Variants in MYH2 observed in about 807,000 individuals in gnomAD.
MYH2 encodes myosin heavy chain 2.
Under a neutral mutation model 228.1 loss-of-function variants are expected in MYH2, and 139 were observed. That is an observed-to-expected ratio of 0.61 (90% CI 0.53 to 0.70). The LOEUF is 0.70. Ranked by LOEUF, MYH2 falls within the 30% of genes least tolerant of loss-of-function variation. MYH2 has a pLI of 0.00. For synonymous variants in MYH2, 796 were observed against 871.1 expected, an observed-to-expected ratio of 0.91 and a Z score of 1.52; for missense variants, 1,809 against 2,357.5, an observed-to-expected ratio of 0.77 and a Z score of 4.82.
rs2073321691 is a variant in MYH2, at chr17:10,524,386, G to C, written c.5175+80C>G. 9.0e-6 allele frequency: 14 copies of C among 1,557,120 alleles called. No homozygotes were observed. The highest frequency in any genetic ancestry group is 1.1e-5 in the South Asian group (1 of 89,872). On this transcript the variant is annotated intron_variant, in intron 35 of 39. Coordinates refer to ENST00000245503, the MANE Select transcript of MYH2 (RefSeq NM_017534.6). The surrounding 1 kb of genome is among the most constrained non-coding windows in gnomAD (Gnocchi z 4.7). ...AAATTTGATAGACATATTAGGTCTAGCTGTCTTATGAAAACTCAGGCTTAT... is the reference window on the plus strand; with the variant it reads ...AAATTTGATAGACATATTAGGTCTACCTGTCTTATGAAAACTCAGGCTTAT...
Position 10,529,660 on chromosome 17 carries a change from C to A in MYH2, c.3021G>T (p.Glu1007Asp). The A allele has an allele frequency of 1.2e-6, 2 of 1,613,984 alleles. No homozygotes were observed. Among genetic ancestry groups the A allele is most frequent in the Non-Finnish European group, 8.5e-7 (1 of 1,180,014 alleles). Residue 1007 changes from glutamate to aspartate, a missense_variant, in exon 24 of 40, where the codon GAG (glutamate) becomes GAT (aspartate). Around this residue, in one of 9 missense-constraint regions of MYH2, gnomAD observed 636 missense variants for 729.9 expected, o/e 0.87. Transcript: ENST00000245503. The stretch of plus-strand genomic sequence containing the variant: ...GGTCATCCAGGGTCTGCTGGTGGGC[C>A]TCCTGGAGAGCCTTCTTCTCCTTGG... The part of the protein sequence containing the change: ...KLTKEKKALQ[E>D]AHQQTLDDLQ...
chr17:10,521,490 G>T, intron 39 of MYH2, 58 bp from the exon 40 acceptor site: 2 of 1,574,232 alleles, frequency 1.3e-6, no homozygotes, highest in Non-Finnish European at 8.7e-7. Flanking sequence ...AGACTCTTTA[G>T]ACCTAATAGA....
chr17:10,531,178 A>G (rs2073420266), intron 22 of MYH2, among the ~76,000 whole-genome samples: 1 of 152,218 alleles, frequency 6.6e-6, no homozygotes, highest in South Asian at 2.1e-4. Context: ...ATATCACACG[A>G]TAATTCAGTA....
At position 10,527,835 on chromosome 17, in the gene MYH2, G is replaced by T; in HGVS notation, c.3784C>A (p.Leu1262Met). 9 of 1,613,950 alleles carry T rather than the reference G, an allele frequency of 5.6e-6. No individual in the cohort carries two copies. The highest frequency in any genetic ancestry group is 6.8e-6 in the Non-Finnish European group (8 of 1,180,016). ...TCTTCCTTTGATTTCAGTTCACTCA[G>T]TTGGTCCTCTAGAGTCCGGCACATT... ...EKMCRTLEDQ[L>M]SELKSKEEEQ... Residue 1262 changes from leucine (L) to methionine (M), a missense_variant, in exon 28 of 40, where the codon CTG becomes ATG. Around this residue, in one of 9 missense-constraint regions of MYH2, gnomAD observed 636 missense variants for 729.9 expected, o/e 0.87. Coordinates refer to ENST00000245503, the MANE Select transcript of MYH2 (RefSeq NM_017534.6).
rs779899332 is a variant in MYH2 at position 10,533,326 on chromosome 17, C to T, written c.2400G>A (p.Gly800=). ...TCTGGTACTCCACTCTTGCCAAGAA[C>T]CCTCTGCACCTGGCCTGGGTTCGGG... The part of the protein sequence containing the change: ...LITRTQARCR[G]FLARVEYQRM... The change falls in exon 21 of 40, where the codon GGG becomes GGA. Residue 800 remains glycine (G), a synonymous_variant. Coordinates refer to ENST00000245503, the MANE Select transcript of MYH2 (RefSeq NM_017534.6). 1 of 1,614,226 alleles carries T rather than the reference C, an allele frequency of 6.2e-7. No homozygotes were observed. The highest frequency in any genetic ancestry group is 8.5e-7 in the Non-Finnish European group (1 of 1,180,030).
At chr17:10,539,633 A>G in intron 12 of MYH2, 71 bp from the exon 13 acceptor site, 1 of 1,438,126 alleles carries the variant, frequency 7.0e-7, no homozygotes, top group East Asian at 2.3e-5. Context: ...AATATTTTTT[A>G]AACTACAAGT....
chr17:10,536,552 T>C lies in MYH2; in HGVS notation c.1952A>G (p.Gln651Arg). ...TACTCTGAAAAGGGCAGACACTGTCTGGAAAGAAGAGCCCTTCTTCTTACC... is the reference window on the plus strand; with the variant it reads ...TACTCTGAAAAGGGCAGACACTGTCCGGAAAGAAGAGCCCTTCTTCTTACC... ...KGGKKKGSSF[Q>R]TVSALFRENL... The change falls in exon 17 of 40, where the codon CAG becomes CGG. Residue 651 changes from glutamine (Q) to arginine (R), a missense_variant. By Grantham distance (43) the Gln-to-Arg change is conservative (BLOSUM62 1). Transcript: ENST00000245503. 1 of 1,613,986 alleles carries C rather than the reference T, an allele frequency of 6.2e-7. No individual in the cohort carries two copies. The highest frequency in any genetic ancestry group is 8.5e-7 in the Non-Finnish European group (1 of 1,179,916).
chr17:10,530,631 T>C (rs1445320806), intron 22 of MYH2, among the ~76,000 whole-genome samples: 1 of 152,146 alleles, frequency 6.6e-6, no homozygotes, highest in African/African-American at 2.4e-5. Flanking sequence ...CAACCTGCTG[T>C]TTCCAATTAA....
chr17:10,547,722 C>T lies in MYH2; in HGVS notation c.199G>A (p.Gly67Arg). ...GCTCCTGGGATTCTACTCACCGCTC[C>T]TCCCTCAGTCTTCACCGTCACTTTT... ...GGKVTVKTEG[G>R]ATLTVKDDQV... is the part of the protein sequence containing the mutation. Residue 67 changes from glycine to arginine, a missense_variant, in exon 3 of 40, where the codon GGA becomes AGA. Gly to Arg is a moderately radical substitution (Grantham distance 125). Around this residue, in one of 9 missense-constraint regions of MYH2, gnomAD observed 84 missense variants for 81.8 expected, o/e 1.03. Coordinates refer to ENST00000245503, the MANE Select transcript of MYH2 (RefSeq NM_017534.6). The T allele has an allele frequency of 1.2e-6, 2 of 1,614,210 alleles. No homozygotes were observed. Among genetic ancestry groups the T allele is most frequent in the Non-Finnish European group, 8.5e-7 (1 of 1,180,046 alleles).
chr17:10,527,195 C>T (rs561872157), intron 28 of MYH2, 139 bp from the exon 29 acceptor site: 51 of 751,738 alleles, frequency 6.8e-5, no homozygotes, highest in Non-Finnish European at 1.2e-4. Flanking sequence ...TCTTCATGCT[C>T]AATGCAGGTT....
chr17:10,549,565 T>A (rs1339427834), intron 1 of MYH2, 71 bp downstream of exon 1: 1 of 152,258 alleles, frequency 6.6e-6, no homozygotes, highest in East Asian at 1.9e-4. Flanking sequence ...GTACCAGAAC[T>A]AGCAGCTGCT....
intron 12 of MYH2, 36 bp from the exon 13 acceptor site, chr17:10,539,598 G>A (rs2073526929): frequency 1.3e-6 from 2 of 1,571,848 alleles, no homozygotes; most frequent in African/African-American, 1.4e-5. Flanking sequence ...TGTTATTGTG[G>A]CCCAAAGAAA....
Position 10,535,102 on chromosome 17 carries a change from G to A in MYH2, c.2151C>T (p.Ser717=), listed in dbSNP as rs2073467883. 1 of 1,614,008 alleles carries A rather than the reference G, an allele frequency of 6.2e-7. No individual in the cohort carries two copies. Among genetic ancestry groups the A allele is most frequent in the African/African-American group, 1.3e-5 (1 of 74,900 alleles). The change falls in exon 19 of 40, where the codon AGC becomes AGT. Residue 717 remains serine, a synonymous_variant. Transcript: ENST00000245503. ...GTTTGAAGTCTGCATAAAGGATTCT[G>A]CTTGGAAATCCTTTCCTACAGATGC... The part of the protein sequence containing the change: ...GIRICRKGFP[S]RILYADFKQR...
chr17:10,535,214 T>C (rs1360207320), intron 18 of MYH2, 24 bp from the exon 19 acceptor site: 1 of 1,613,890 alleles, frequency 6.2e-7, no homozygotes, highest in African/African-American at 1.3e-5. Context: ...TTTATTTCAC[T>C]GCAGAGCTGT....
Position 10,529,326 on chromosome 17 carries a change from TCTTA to T in MYH2, c.3263+6_3263+9del, listed in dbSNP as rs745882030. 2 of 1,613,702 alleles carry T rather than the reference TCTTA, an allele frequency of 1.2e-6. No homozygotes were observed. ...GGAAGCAAATCCATAAGCAATTCTT[TCTTA>T]CTTACTTTTTGAGCTTTTCATCAAG... On this transcript the variant is annotated splice_donor_region_variant and intron_variant, in intron 25 of 39. Transcript: ENST00000245503.
chr17:10,533,646 T>A lies in MYH2; in HGVS notation c.2181-14A>T, dbSNP rs763527495. ...AATACCTTGTATCTGTTGAAGTACA[T>A]ATAGCTTTTAACAACTAGTTTACTG... is the stretch of plus-strand genomic sequence containing the variant. On this transcript the variant is annotated splice_polypyrimidine_tract_variant and intron_variant, in intron 19 of 39. Coordinates refer to ENST00000245503, the MANE Select transcript of MYH2 (RefSeq NM_017534.6). 3 of 1,613,680 alleles carry A rather than the reference T, an allele frequency of 1.9e-6. No homozygotes were observed. The highest frequency in any genetic ancestry group is 2.5e-6 in the Non-Finnish European group (3 of 1,179,694).
intron 4 of MYH2, among the ~76,000 whole-genome samples, chr17:10,546,274 T>TATATATAG (rs1253811304): frequency 7.5e-6 from 1 of 134,220 alleles, no homozygotes. Flanking sequence ...TATATATATA[T>TATATATAG]ATATATATAT....
chr17:10,539,813 T>C, intron 12 of MYH2, 115 bp downstream of exon 12: 8 of 1,471,128 alleles, frequency 5.4e-6, no homozygotes, highest in Non-Finnish European at 7.6e-6. Flanking sequence ...ATACAGATAC[T>C]TTAAAACTTA....
chr17:10,526,899 G>A, intron 29 of MYH2, 39 bp downstream of exon 29: 2 of 1,612,640 alleles, frequency 1.2e-6, no homozygotes, highest in Non-Finnish European at 1.7e-6. Flanking sequence ...TGTAGAATCA[G>A]CTCATGAGGG....
Sources: gnomAD v4.1 joint callset for allele counts (sites outside exome capture counted in the v4.1 genomes callset) on GRCh38, gnomAD v4.1.1 for gene constraint, gnomAD v4.1.1 regional missense constraint, Gnocchi (gnomAD v3.1) non-coding constraint, MANE v1.5 for transcripts, NCBI Gene and HGNC (gene_info 2026-07-23, HGNC 2026-07-21) for gene names.